Variants in SYNE2 observed in about 807,000 individuals in gnomAD.
SYNE2 encodes the protein nesprin-2.
SYNE2 carries 431 observed loss-of-function variants against 856.3 expected under a neutral mutation model. The ratio of observed to expected loss-of-function variants is 0.50; its 90% CI spans 0.47 to 0.55. The LOEUF (loss-of-function observed/expected upper bound fraction) is 0.55, where lower values mean the gene tolerates loss of function less well. SYNE2 is among the 20% of genes least tolerant of loss of function. The pLI is 0.00. For synonymous variants in SYNE2, 2,923 were observed against 2,872.3 expected (o/e 1.02, Z -0.56); for missense variants, 8,129 against 8,023.2 (o/e 1.01, Z -0.50).
intron 2 of SYNE2, among the ~76,000 whole-genome samples, chr14:63,934,870 C>G (rs1056562211): frequency 1.3e-5 from 2 of 152,142 alleles, no homozygotes; most frequent in African/African-American, 4.8e-5. Context: ...TTTTGAATGT[C>G]TGCTCTATTG....
intron 73 of SYNE2, among the ~76,000 whole-genome samples, chr14:64,127,247 CA>C (rs1043861865): frequency 3.3e-5 from 5 of 151,202 alleles, no homozygotes; most frequent in African/African-American, 1.2e-4. Context: ...AGCGGCAGAG[CA>C]AGACTCCATC....
Position 64,080,534 on chromosome 14 carries a change from G to A in SYNE2, c.11242G>A (p.Asp3748Asn). Residue 3748 changes from aspartate (D) to asparagine (N), a missense_variant, in exon 56 of 116, where the codon GAC becomes AAC. Coordinates refer to ENST00000555002, the MANE Select transcript of SYNE2 (RefSeq NM_182914.3). ...TGAAGTTCAGGACATTGTTGAACAG[G>A]ACCCAGGACAGGCTCAAGAATGGAT... is the stretch of plus-strand genomic sequence containing the variant. The part of the protein sequence containing the change: ...DSEVQDIVEQ[D>N]PGQAQEWMDN... 6.2e-7 allele frequency: 1 copy of A among 1,614,166 alleles called. No homozygotes were observed. Among genetic ancestry groups the A allele is most frequent in the Non-Finnish European group, 8.5e-7 (1 of 1,180,030 alleles).
At chr14:64,087,634 T>C (rs368471324) in intron 57 of SYNE2, 37 bp from the exon 58 acceptor site, 2 of 1,597,940 alleles carry the variant, frequency 1.3e-6, no homozygotes, top group Non-Finnish European at 1.7e-6. Context: ...AGGATCTTGA[T>C]GTTTCTCTCT....
chr14:64,047,603 G>T (rs1243351961), intron 45 of SYNE2, among the ~76,000 whole-genome samples: 4 of 152,126 alleles, frequency 2.6e-5, no homozygotes, highest in Non-Finnish European at 5.9e-5. Context: ...CAAATCCTTG[G>T]TGTTACCTCC....
intron 39 of SYNE2, 108 bp downstream of exon 39, chr14:64,024,567 C>A: frequency 9.2e-7 from 1 of 1,089,898 alleles, no homozygotes; most frequent in Non-Finnish European, 1.3e-6. Context: ...ACAAATTTCA[C>A]ACACAAAAGG....
At chr14:63,808,191 G>A (rs962134245) in intron 1 of SYNE2, among the ~76,000 whole-genome samples, 1 of 151,742 alleles carries the variant, frequency 6.6e-6, no homozygotes, top group African/African-American at 2.4e-5. Context: ...GCCTCCTAAA[G>A]TGTTGAGATT....
intron 1 of SYNE2, among the ~76,000 whole-genome samples, chr14:63,825,784 G>C (rs1329655517): frequency 6.6e-6 from 1 of 152,068 alleles, no homozygotes; most frequent in Non-Finnish European, 1.5e-5. Context: ...CTGAGGCAGG[G>C]AGAATTGCTT....
In SYNE2 at chr14:63,814,060, AAACAAC is replaced by A. The variant is rs71120290; in HGVS notation, c.-304-38415_-304-38410del. 2.8e-4 allele frequency among the ~76,000 whole-genome samples: 42 copies of A among 150,006 alleles called. No individual in the cohort carries two copies. The East Asian group carries it at 5.5e-3, about 20-fold the overall frequency. On this transcript the variant is annotated intron_variant, in intron 1 of 23. Transcript: ENST00000674003. ...GCAACACAGCGAGACTCTGTCTCAA[AAACAAC>A]AACAACAACAACAACAACAACAACA...
intron 85 of SYNE2, among the ~76,000 whole-genome samples, chr14:64,157,381 A>G (rs2153710207): frequency 6.6e-6 from 1 of 152,312 alleles, no homozygotes; most frequent in Non-Finnish European, 1.5e-5. Flanking sequence ...CACTAAGCAT[A>G]ATGTTTTCAA....
rs886050605 is a variant in SYNE2, at chr14:64,225,831, G to T, written c.*305G>T. 1.6e-4 allele frequency: 93 copies of T among 587,116 alleles called. No individual in the cohort carries two copies. Among genetic ancestry groups the T allele is most frequent in the Admixed American group, 8.9e-5 (3 of 33,620 alleles). The allele number at this position is 587,116 out of a possible 1,614,324, so 36.4% of individuals were successfully genotyped here. A position where few individuals can be genotyped will look rare whatever the true frequency, so the allele number is the denominator to read the frequency against. On this transcript the variant is annotated 3_prime_UTR_variant, in exon 116 of 116. Coordinates refer to ENST00000555002, the MANE Select transcript of SYNE2 (RefSeq NM_182914.3). ...CCAAGCACTTTGTGAATTCTGGTTT[G>T]TTTGTAAAACAGCATTATTATAATG...
intron 1 of SYNE2, among the ~76,000 whole-genome samples, chr14:63,834,510 T>C (rs987055720): frequency 2.6e-5 from 4 of 152,206 alleles, no homozygotes; most frequent in African/African-American, 4.8e-5. Context: ...TTTTTTCCTG[T>C]AGAAATTAGG....
intron 37 of SYNE2, 68 bp from the exon 38 acceptor site, chr14:64,022,683 A>G (rs2153534767): frequency 2.3e-6 from 2 of 864,010 alleles, no homozygotes; most frequent in East Asian, 2.6e-5. Flanking sequence ...AAGTTTCAAA[A>G]TCTCTCACTT....
At chr14:64,174,165 AG>A (rs1595988520) in intron 94 of SYNE2, among the ~76,000 whole-genome samples, 1 of 150,680 alleles carries the variant, frequency 6.6e-6, no homozygotes, top group East Asian at 1.9e-4. Context: ...TCTGCCTCCC[AG>A]GTTAAAGTGA....
chr14:64,201,262 G>A (rs2098563143), intron 99 of SYNE2, among the ~76,000 whole-genome samples: 1 of 152,200 alleles, frequency 6.6e-6, no homozygotes, highest in Non-Finnish European at 1.5e-5. Flanking sequence ...GGGTGTACTT[G>A]AAATAAGGGG....
At chr14:64,035,870 T>TA (rs1260635784) in intron 45 of SYNE2, among the ~76,000 whole-genome samples, 1 of 145,572 alleles carries the variant, frequency 6.9e-6, no homozygotes, top group African/African-American at 2.5e-5. Context: ...ATTTTTGTAT[T>TA]TTTTTTTTTT....
At chr14:63,964,966 T>TC (rs1193812568) in intron 10 of SYNE2, among the ~76,000 whole-genome samples, 2 of 150,278 alleles carry the variant, frequency 1.3e-5, no homozygotes, top group African/African-American at 4.9e-5. Flanking sequence ...ACATTTCTTT[T>TC]TTTTTTTTTT....
chr14:63,863,044 C>A (rs578253186), intron 1 of SYNE2, among the ~76,000 whole-genome samples: 14 of 152,060 alleles, frequency 9.2e-5, no homozygotes, highest in African/African-American at 3.4e-4. Flanking sequence ...GTGACCTGCC[C>A]GCCTCAGCCT....
At position 64,196,378 on chromosome 14, in the gene SYNE2, T is replaced by C. The variant is rs188900326; in HGVS notation, c.18038+6141T>C. On this transcript the variant is annotated intron_variant, in intron 99 of 115. Transcript: ENST00000555002. ...AATAAGGAGGAATTTTCAGACACAT[T>C]ATGGTAAACCCTGGGAGGAGCTAGC... Among the ~76,000 whole-genome samples, 192 of 152,228 alleles carry C rather than the reference T, an allele frequency of 1.3e-3. 1 individual carries two copies. The highest frequency in any genetic ancestry group is 4.3e-3 in the African/African-American group (180 of 41,504).
intron 1 of SYNE2, 27 bp from the exon 2 acceptor site, chr14:63,909,071 A>C: frequency 4.7e-6 from 5 of 1,055,378 alleles, no homozygotes; most frequent in Non-Finnish European, 7.4e-6. Context: ...AAAGTTACTA[A>C]TGAACATTTA....
Sources: allele counts gnomAD v4.1 joint callset (sites outside exome capture counted in the v4.1 genomes callset), GRCh38; gene constraint gnomAD v4.1.1; transcripts MANE v1.5; gene names NCBI Gene and HGNC (gene_info 2026-07-23, HGNC 2026-07-21).